NCOR1: variants seen among roughly 807,000 people sequenced by gnomAD.
NCOR1 encodes the protein nuclear receptor corepressor 1.
NCOR1 carries 63 observed loss-of-function variants against 288.1 expected under a neutral mutation model. The observed-to-expected ratio is 0.22, with a 90% CI of 0.18 to 0.27. The LOEUF is 0.27. Ranked by LOEUF, NCOR1 falls within the 10% of genes least tolerant of loss-of-function variation. The pLI is 1.00. For missense variants in NCOR1, 2,397 were observed against 3,019.2 expected (o/e 0.79, Z 4.83); for synonymous variants, 1,007 against 1,065.9 (o/e 0.94, Z 1.08).
At chr17:16,050,752 C>T (rs2059216900) in intron 40 of NCOR1, among the ~76,000 whole-genome samples, 1 of 151,824 alleles carries the variant, frequency 6.6e-6, no homozygotes, top group Non-Finnish European at 1.5e-5. Context: ...ATTTATAAAA[C>T]TTGAAACAGT....
intron 42 of NCOR1, 186 bp from the exon 43 acceptor site, chr17:16,040,680 T>C: frequency 4.8e-6 from 3 of 623,438 alleles, no homozygotes; most frequent in Non-Finnish European, 8.7e-6. Context: ...TCTCACTCTG[T>C]TGCCCAGGCT....
chr17:16,054,281 G>A (rs1286492155), intron 40 of NCOR1, among the ~76,000 whole-genome samples: 1 of 151,866 alleles, frequency 6.6e-6, no homozygotes, highest in Non-Finnish European at 1.5e-5. Context: ...TACAGAATGG[G>A]AGAAAAATTT....
chr17:16,169,147 C>T (rs983124669), intron 4 of NCOR1, among the ~76,000 whole-genome samples: 1 of 151,982 alleles, frequency 6.6e-6, no homozygotes, highest in African/African-American at 2.4e-5. Context: ...AAGCTAAGCA[C>T]GTATTTAAGC....
intron 41 of NCOR1, among the ~76,000 whole-genome samples, chr17:16,048,582 T>TA (rs528666691): frequency 1.3e-4 from 19 of 149,414 alleles, no homozygotes; most frequent in Admixed American, 2.0e-4. Context: ...ACAAAAACAT[T>TA]AAAAAAAAAA....
intron 1 of NCOR1, 113 bp downstream of exon 1, chr17:16,215,249 C>T: frequency 2.6e-6 from 1 of 380,346 alleles, no homozygotes. Flanking sequence ...GCCTGCGACA[C>T]CCCCCGCCCG....
At chr17:16,075,136 G>A (rs545128077) in intron 27 of NCOR1, among the ~76,000 whole-genome samples, 1 of 152,240 alleles carries the variant, frequency 6.6e-6, no homozygotes, top group Non-Finnish European at 1.5e-5. Context: ...CCAAAGTACT[G>A]GGATTAGATA....
chr17:16,157,332 T>C (rs2079980855), intron 6 of NCOR1, among the ~76,000 whole-genome samples: 1 of 152,098 alleles, frequency 6.6e-6, no homozygotes. Context: ...GCCAAGAAAA[T>C]AATATTAATT....
intron 10 of NCOR1, among the ~76,000 whole-genome samples, chr17:16,144,415 G>A (rs1483337706): frequency 6.6e-6 from 1 of 152,154 alleles, no homozygotes; most frequent in Non-Finnish European, 1.5e-5. Context: ...TTTACTGGTT[G>A]ATAATAAAGT....
At chr17:16,127,638 T>TGTATACATAC (rs2074849139) in intron 14 of NCOR1, among the ~76,000 whole-genome samples, 2 of 143,272 alleles carry the variant, frequency 1.4e-5, no homozygotes, top group African/African-American at 5.3e-5. Flanking sequence ...CATATATGTA[T>TGTATACATAC]ATATGTGTAT....
intron 3 of NCOR1, among the ~76,000 whole-genome samples, chr17:16,176,294 A>T (rs2084173989): frequency 6.6e-6 from 1 of 152,144 alleles, no homozygotes; most frequent in African/African-American, 2.4e-5. Context: ...TTTGAAACAG[A>T]GTGTCACTCT....
intron 15 of NCOR1, among the ~76,000 whole-genome samples, chr17:16,125,561 G>A (rs926589544): frequency 1.3e-5 from 2 of 151,672 alleles, no homozygotes; most frequent in Non-Finnish European, 1.5e-5. Flanking sequence ...AATTAGCTGG[G>A]CATGGTGGCA....
rs377428106 is a variant in NCOR1, at chr17:16,070,307, G to T, written c.4371C>A (p.Ser1457=). ...CTTCATGCAGTGTGGACCTAAGAAC[G>T]GAGGGGCCAGAGCTTACCACTGACG... The part of the protein sequence containing the change: ...RHTSVVSSGP[S]VLRSTLHEAP... Residue 1457 remains serine (S), a synonymous_variant, in exon 31 of 46, where the codon TCC becomes TCA. Transcript: ENST00000268712. 9.9e-6 allele frequency: 16 copies of T among 1,613,956 alleles called. No individual in the cohort carries two copies. The highest frequency in any genetic ancestry group is 1.4e-5 in the Non-Finnish European group (16 of 1,180,024).
intron 22 of NCOR1, 107 bp downstream of exon 22, chr17:16,091,756 A>G: frequency 6.4e-7 from 1 of 1,563,292 alleles, no homozygotes; most frequent in Non-Finnish European, 8.7e-7. Flanking sequence ...CAAATATAAT[A>G]ATCAGTTGGG....
chr17:16,103,393 C>T (rs1568032653), intron 19 of NCOR1, among the ~76,000 whole-genome samples: 1 of 152,212 alleles, frequency 6.6e-6, no homozygotes, highest in Non-Finnish European at 1.5e-5. Context: ...TTCTTTACAA[C>T]AAAGATAGAG....
In NCOR1 at chr17:16,212,434, A is replaced by C. The variant is rs150601233; in HGVS notation, c.-71+2928T>G. 9.2e-3 allele frequency among the ~76,000 whole-genome samples: 1,399 copies of C among 152,330 alleles called. 28 individuals are homozygous for C. Among genetic ancestry groups the C allele is most frequent in the African/African-American group, 0.032 (1,334 of 41,572 alleles). Reference sequence around the variant, plus strand: ...TAAGTGAGTAAACAAAAATATATGAATCTCTAATCTACAAATAAGACTATA... The same window carrying C: ...TAAGTGAGTAAACAAAAATATATGACTCTCTAATCTACAAATAAGACTATA... On this transcript the variant is annotated intron_variant, in intron 1 of 45. Transcript: ENST00000268712.
intron 43 of NCOR1, 82 bp from the exon 44 acceptor site, chr17:16,039,736 G>GA: frequency 8.1e-7 from 1 of 1,233,806 alleles, no homozygotes; most frequent in Non-Finnish European, 1.2e-6. Context: ...TCAGCCCACT[G>GA]AATACACACA....
chr17:16,151,922 A>C, intron 8 of NCOR1, 24 bp downstream of exon 8: 1 of 1,557,504 alleles, frequency 6.4e-7, no homozygotes. Context: ...TAATTGAAGA[A>C]CTCCAAAGAT....
intron 17 of NCOR1, 146 bp from the exon 18 acceptor site, chr17:16,118,173 C>T: frequency 1.2e-6 from 1 of 804,862 alleles, no homozygotes; most frequent in African/African-American, 1.8e-5. Flanking sequence ...TACTTTGATA[C>T]TTATAAAAAT....
intron 14 of NCOR1, among the ~76,000 whole-genome samples, chr17:16,131,896 A>G (rs2075700807): frequency 6.6e-6 from 1 of 152,210 alleles, no homozygotes; most frequent in East Asian, 1.9e-4. Context: ...TAACCATGCA[A>G]CCTAAGTATC....
Sources: allele counts gnomAD v4.1 joint callset (sites outside exome capture counted in the v4.1 genomes callset), GRCh38; gene constraint gnomAD v4.1.1; transcripts MANE v1.5; gene names NCBI Gene and HGNC (gene_info 2026-07-23, HGNC 2026-07-21).